The following STIM2 variants were observed in gnomAD, a reference collection of about 807,000 sequenced individuals.
STIM2 encodes stromal interaction molecule 2.
Under a neutral mutation model 85.8 loss-of-function variants are expected in STIM2, and 31 were observed. The ratio of observed to expected loss-of-function variants is 0.36; its 90% CI spans 0.27 to 0.49. The LOEUF is 0.49. Among genes scored for constraint, STIM2 ranks in the 20% least tolerant of loss-of-function variants. The probability of loss-of-function intolerance (pLI) is 0.98; values close to 1 mark genes in which losing one functional copy is unlikely to be tolerated. For synonymous variants in STIM2, 356 were observed against 331.1 expected, an observed-to-expected ratio of 1.08 and a Z score of -0.82; for missense variants, 841 against 927.6, an observed-to-expected ratio of 0.91 and a Z score of 1.21.
chr4:26,986,594 T>C (rs962923202), intron 3 of STIM2, among the ~76,000 whole-genome samples: 2 of 152,178 alleles, frequency 1.3e-5, no homozygotes, highest in Non-Finnish European at 2.9e-5. Flanking sequence ...CTGATTTGTT[T>C]ATATCAGGTT....
chr4:26,910,496 C>A (rs549475992), intron 1 of STIM2, among the ~76,000 whole-genome samples: 1 of 151,850 alleles, frequency 6.6e-6, no homozygotes, highest in South Asian at 2.1e-4. Context: ...TGCACTCCAG[C>A]CTGGGTGATG....
In STIM2 at chr4:26,959,057, T is replaced by C. The variant is rs140289084; in HGVS notation, c.397+1331T>C. ...ATTGTGACAGCCTAATTCATCTCCC[T>C]GTGTTTGTGCTCTGCTGTAGTCTCT... On this transcript the variant is annotated intron_variant, in intron 3 of 11. Transcript: ENST00000467087. 5.3e-3 allele frequency among the ~76,000 whole-genome samples: 813 copies of C among 152,302 alleles called. 7 individuals carry two copies. The highest frequency in any genetic ancestry group is 0.019 in the African/African-American group (784 of 41,574).
At chr4:26,891,554 T>TACAC (rs1723481428) in intron 1 of STIM2, among the ~76,000 whole-genome samples, 1 of 112,198 alleles carries the variant, frequency 8.9e-6, no homozygotes, top group African/African-American at 4.0e-5. Context: ...TGTGTATACA[T>TACAC]ACATACACAC....
chr4:26,935,276 G>A (rs913725590), intron 2 of STIM2, among the ~76,000 whole-genome samples: 4 of 152,100 alleles, frequency 2.6e-5, no homozygotes, highest in South Asian at 2.1e-4. Flanking sequence ...TCACCAAAGC[G>A]TGCTGAGCAT....
At chr4:27,019,762 A>G (rs1210967263) in intron 11 of STIM2, among the ~76,000 whole-genome samples, 2 of 152,022 alleles carry the variant, frequency 1.3e-5, no homozygotes, top group Non-Finnish European at 2.9e-5. Context: ...TTTAAACCTC[A>G]TTTTGAGTTT....
chr4:26,908,707 C>G (rs1240936882), intron 1 of STIM2, among the ~76,000 whole-genome samples: 2 of 152,202 alleles, frequency 1.3e-5, no homozygotes, highest in Non-Finnish European at 2.9e-5. Flanking sequence ...TGGTGTCGAA[C>G]TTCTGACCTC....
chr4:26,990,333 G>T (rs1204027668), intron 3 of STIM2, among the ~76,000 whole-genome samples: 1 of 152,096 alleles, frequency 6.6e-6, no homozygotes, highest in African/African-American at 2.4e-5. Context: ...TTCAACAAAG[G>T]CACCCAAAAT....
intron 10 of STIM2, among the ~76,000 whole-genome samples, chr4:27,009,535 A>G (rs1476690569): frequency 1.3e-5 from 2 of 152,236 alleles, no homozygotes; most frequent in Non-Finnish European, 2.9e-5. Context: ...TAGCTCTACC[A>G]CTAACTAACT....
intron 3 of STIM2, among the ~76,000 whole-genome samples, chr4:26,962,319 G>T (rs764666151): frequency 6.6e-6 from 1 of 152,112 alleles, no homozygotes; most frequent in Admixed American, 6.6e-5. Context: ...GTAATAATGC[G>T]AAATAAACTA....
At chr4:26,889,445 T>C (rs898878922) in intron 1 of STIM2, among the ~76,000 whole-genome samples, 1 of 152,096 alleles carries the variant, frequency 6.6e-6, no homozygotes, top group African/African-American at 2.4e-5. Context: ...ACCTAGATGG[T>C]GGATAAGGCA....
At chr4:26,881,787 CATT>C (rs1278565350) in intron 1 of STIM2, among the ~76,000 whole-genome samples, 3 of 152,146 alleles carry the variant, frequency 2.0e-5, no homozygotes, top group Admixed American at 1.3e-4. Flanking sequence ...ATTATTTCCT[CATT>C]GTTGGGTAGA....
intron 4 of STIM2, among the ~76,000 whole-genome samples, chr4:26,996,072 A>G (rs1727951360): frequency 6.6e-6 from 1 of 152,050 alleles, no homozygotes. Context: ...GTCAGAGACA[A>G]GTTAAACATT....
At chr4:26,964,573 TTTA>T (rs1726636678) in intron 3 of STIM2, among the ~76,000 whole-genome samples, 1 of 152,176 alleles carries the variant, frequency 6.6e-6, no homozygotes, top group Admixed American at 6.5e-5. Flanking sequence ...TTCCCCTGTG[TTTA>T]GAATGAATTC....
chr4:26,893,894 A>G (rs997152712), intron 1 of STIM2, among the ~76,000 whole-genome samples: 35 of 151,462 alleles, frequency 2.3e-4, no homozygotes, highest in Admixed American at 4.6e-4. Flanking sequence ...TTTCTTACAG[A>G]TAATTATTTT....
chr4:26,965,826 A>AC (rs1408020697), intron 3 of STIM2, among the ~76,000 whole-genome samples: 2 of 151,664 alleles, frequency 1.3e-5, no homozygotes, highest in South Asian at 2.1e-4. Flanking sequence ...TGAAATAGAG[A>AC]CCCCCTCTCA....
At chr4:26,933,372 G>A (rs1488920865) in intron 2 of STIM2, among the ~76,000 whole-genome samples, 1 of 152,112 alleles carries the variant, frequency 6.6e-6, no homozygotes, top group African/African-American at 2.4e-5. Context: ...CTGCTGAACA[G>A]ATTTACAAGT....
chr4:26,870,583 T>C (rs890156628), intron 1 of STIM2, among the ~76,000 whole-genome samples: 5 of 152,178 alleles, frequency 3.3e-5, no homozygotes, highest in Non-Finnish European at 7.4e-5. Flanking sequence ...TTAACTGATA[T>C]ATGATAGATG....
chr4:27,021,748 C>G, intron 11 of STIM2: 1 of 412,156 alleles, frequency 2.4e-6, no homozygotes, highest in Non-Finnish European at 4.9e-6. Context: ...TAGTTGAGTT[C>G]CTGGCTGTTG....
rs542214538 is a variant in STIM2 at position 26,891,015 on chromosome 4, G to T, written c.152-28489G>T. ...TGGATCACATGTCCCAAGTGGCACA[G>T]CAGCTTACAATGGCAGCCTAGTCTG... On this transcript the variant is annotated intron_variant, in intron 1 of 11. Transcript: ENST00000467087. 2.6e-5 allele frequency among the ~76,000 whole-genome samples: 4 copies of T among 152,302 alleles called. 1 individual carries two copies. Among genetic ancestry groups the T allele is most frequent in the Admixed American group, 2.6e-4 (4 of 15,296 alleles).
Sources: gnomAD v4.1 joint callset for allele counts (sites outside exome capture counted in the v4.1 genomes callset) on GRCh38, gnomAD v4.1.1 for gene constraint, MANE v1.5 for transcripts, NCBI Gene and HGNC (gene_info 2026-07-23, HGNC 2026-07-21) for gene names.